Variants in OPA1 observed in about 807,000 individuals in gnomAD.
OPA1 encodes the protein dynamin-like GTPase OPA1, mitochondrial.
OPA1 carries 59 observed loss-of-function variants against 152.9 expected under a neutral mutation model. The ratio of observed to expected loss-of-function variants is 0.39; its 90% confidence interval spans 0.31 to 0.48. The LOEUF (loss-of-function observed/expected upper bound fraction) is 0.48, where lower values mean the gene tolerates loss of function less well. Among genes scored for constraint, OPA1 ranks in the 20% least tolerant of loss-of-function variants. The probability of loss-of-function intolerance (pLI) is 0.96; values close to 1 mark genes in which losing one functional copy is unlikely to be tolerated. For missense variants in OPA1, 1,008 were observed against 1,216.8 expected (o/e 0.83, Z 2.55); for synonymous variants, 400 against 389.9 (o/e 1.03, Z -0.31).
intron 3 of OPA1, 97 bp from the exon 4 acceptor site, chr3:193,617,081 C>A: frequency 1.3e-6 from 1 of 752,526 alleles, no homozygotes; most frequent in African/African-American, 1.8e-5. Flanking sequence ...GTAGGGTTGT[C>A]ATGAGGATTA....
intron 21 of OPA1, among the ~76,000 whole-genome samples, chr3:193,649,266 A>T (rs1577263588): frequency 6.6e-6 from 1 of 152,006 alleles, no homozygotes. Context: ...TTTCTGTAAC[A>T]TGTGGTTAAT....
chr3:193,626,395 A>T (rs1731149969), intron 7 of OPA1, among the ~76,000 whole-genome samples, 193 bp downstream of exon 7: 1 of 152,230 alleles, frequency 6.6e-6, no homozygotes, highest in African/African-American at 2.4e-5. Flanking sequence ...CAAAAGAAAC[A>T]AATTCAAGCA....
rs781642129 is a variant in OPA1 at position 193,593,432 on chromosome 3, C to T, written c.32+23C>T. The T allele has an allele frequency of 4.6e-6, 7 of 1,524,798 alleles. No homozygotes were observed. In the East Asian group the frequency reaches 1.5e-4, roughly 33 times the overall value. 94.5% of individuals were successfully genotyped at this position (1,524,798 alleles called of 1,614,324 possible). A position where few individuals can be genotyped will look rare whatever the true frequency, so the allele number is the denominator to read the frequency against. On this transcript the variant is annotated intron_variant, in intron 1 of 30. Transcript: ENST00000361510. ...CTGGTAAGTGCAGGCTCTAATCTGG[C>T]CCCGTTAATTCTGGGGCCTCTTGAG...
At chr3:193,641,514 A>G (rs1247034268) in intron 11 of OPA1, among the ~76,000 whole-genome samples, 1 of 152,100 alleles carries the variant, frequency 6.6e-6, no homozygotes, top group Non-Finnish European at 1.5e-5. Context: ...GGATTGTGGC[A>G]CCTTAAGACG....
Position 193,697,123 on chromosome 3 carries a change from A to T in OPA1, c.*2523A>T, listed in dbSNP as rs1211300739. The stretch of plus-strand genomic sequence containing the variant: ...TCACAATGTGGGAATTTGACATAGG[A>T]TGAGAGTCAGAGTATAGGTTTAAAA... On this transcript the variant is annotated 3_prime_UTR_variant, in exon 31 of 31. Transcript: ENST00000361510. 2 of 152,228 alleles carry T rather than the reference A, an allele frequency of 1.3e-5. No individual in the cohort carries two copies. The highest frequency in any genetic ancestry group is 1.3e-4 in the Admixed American group (2 of 15,282). 9.4% of individuals were successfully genotyped at this position (152,228 alleles called of 1,614,324 possible).
chr3:193,685,233 C>T (rs1021902048), intron 29 of OPA1, among the ~76,000 whole-genome samples: 6 of 151,260 alleles, frequency 4.0e-5, no homozygotes, highest in African/African-American at 1.2e-4. Context: ...AACCGGGAGG[C>T]GGAGGTTGCA....
Position 193,596,294 on chromosome 3 carries a change from ACTTTT to A in OPA1, c.32+2897_32+2901del, listed in dbSNP as rs776639249. ...GATTTTTTTAATATTGGCCATCGCA[ACTTTT>A]CTTTTCTTTTCCTTTCCTTTCCTTT... On this transcript the variant is annotated intron_variant, in intron 1 of 30. Coordinates refer to ENST00000361510, the MANE Select transcript of OPA1 (RefSeq NM_130837.3). Among the ~76,000 whole-genome samples the A allele has an allele frequency of 4.0e-3, 367 of 90,816 alleles. 5 individuals carry two copies. Among genetic ancestry groups the A allele is most frequent in the East Asian group, 0.017 (42 of 2,516 alleles). 59.6% of individuals were successfully genotyped at this position (90,816 alleles called of 152,430 possible). A position where few individuals can be genotyped will look rare whatever the true frequency, so the allele number is the denominator to read the frequency against.
chr3:193,605,018 G>T (rs1727043217), intron 1 of OPA1, among the ~76,000 whole-genome samples: 3 of 152,132 alleles, frequency 2.0e-5, no homozygotes, highest in Non-Finnish European at 4.4e-5. Context: ...CATACTGAAT[G>T]AGAGTAGAAT....
At chr3:193,636,383 TTTTG>T (rs1732944422) in intron 9 of OPA1, among the ~76,000 whole-genome samples, 1 of 148,768 alleles carries the variant, frequency 6.7e-6, no homozygotes, top group South Asian at 2.1e-4. Context: ...AATTAACATT[TTTTG>T]TTTATTTTTA....
chr3:193,631,694 G>A (rs1364830736), intron 8 of OPA1, 29 bp downstream of exon 8: 21 of 1,583,800 alleles, frequency 1.3e-5, no homozygotes, highest in Non-Finnish European at 1.8e-5. Context: ...AAAAACTAGG[G>A]ACTTTTAAAA....
intron 29 of OPA1, among the ~76,000 whole-genome samples, chr3:193,681,896 T>C (rs1458647735): frequency 1.3e-5 from 2 of 152,132 alleles, no homozygotes; most frequent in African/African-American, 2.4e-5. Flanking sequence ...CCCTATTCCA[T>C]AGGACACAAC....
chr3:193,667,455 G>A (rs1408751330), intron 29 of OPA1, 175 bp downstream of exon 29: 3 of 649,028 alleles, frequency 4.6e-6, no homozygotes, highest in South Asian at 1.5e-5. Context: ...TGGAAAACAA[G>A]GTCAGAAGAT....
chr3:193,632,741 T>G (rs2108986799), intron 8 of OPA1, among the ~76,000 whole-genome samples: 1 of 151,820 alleles, frequency 6.6e-6, no homozygotes, highest in African/African-American at 2.4e-5. Flanking sequence ...GTGTGGTGGT[T>G]GTGCCTGTAG....
intron 29 of OPA1, among the ~76,000 whole-genome samples, chr3:193,669,692 C>T (rs1320107467): frequency 6.6e-6 from 1 of 152,152 alleles, no homozygotes; most frequent in African/African-American, 2.4e-5. Context: ...GACAGTGAAA[C>T]AATTCAATGA....
intron 27 of OPA1, among the ~76,000 whole-genome samples, chr3:193,665,226 A>G (rs1309325109): frequency 6.6e-6 from 1 of 151,594 alleles, no homozygotes; most frequent in Non-Finnish European, 1.5e-5. Context: ...TGTGAATATA[A>G]ATAGTAAAAA....
chr3:193,691,468 A>G (rs1381894858), intron 29 of OPA1: 1 of 151,444 alleles, frequency 6.6e-6, no homozygotes, highest in Non-Finnish European at 1.5e-5. Context: ...TTTTGTATGT[A>G]TTTTTATAGC....
chr3:193,643,645 AT>A lies in OPA1; in HGVS notation c.1477+22del, dbSNP rs1186488618. On this transcript the variant is annotated intron_variant, in intron 15 of 30. Coordinates refer to ENST00000361510, the MANE Select transcript of OPA1 (RefSeq NM_130837.3). Reference sequence around the variant, plus strand: ...TATTCAAGGTAAATCATATCAAAAGATTTTAATGTACTGATATGTTTTCTTC... The same window carrying A: ...TATTCAAGGTAAATCATATCAAAAGATTTAATGTACTGATATGTTTTCTTC... 1.4e-5 allele frequency: 22 copies of A among 1,574,434 alleles called. No homozygotes were observed. The Admixed American group carries it at 3.7e-4, about 26-fold the overall frequency.
At chr3:193,624,824 G>A (rs1351983514) in intron 6 of OPA1, among the ~76,000 whole-genome samples, 1 of 151,966 alleles carries the variant, frequency 6.6e-6, no homozygotes, top group African/African-American at 2.4e-5. Flanking sequence ...AATTCTCCAA[G>A]TTATATCCAG....
rs139271487 is a variant in OPA1, at chr3:193,660,701, A to AT, written c.2520+1151dup. Among the ~76,000 whole-genome samples, 326 of 145,594 alleles carry AT rather than the reference A, an allele frequency of 2.2e-3. 1 individual carries two copies. The highest frequency in any genetic ancestry group is 6.4e-3 in the African/African-American group (254 of 39,982). On this transcript the variant is annotated intron_variant, in intron 25 of 30. Coordinates refer to ENST00000361510, the MANE Select transcript of OPA1 (RefSeq NM_130837.3). Reference sequence around the variant, plus strand: ...TTCTTTTTCTCTGTGTTTCTTTACTATTTTTTTTTTTGGTAATGACTTTTG... The same window carrying AT: ...TTCTTTTTCTCTGTGTTTCTTTACTATTTTTTTTTTTTGGTAATGACTTTTG...
Sources: gnomAD v4.1 joint callset for allele counts (sites outside exome capture counted in the v4.1 genomes callset) on GRCh38, gnomAD v4.1.1 for gene constraint, MANE v1.5 for transcripts, NCBI Gene and HGNC (gene_info 2026-07-23, HGNC 2026-07-21) for gene names.